MAP3K9: variants seen among roughly 807,000 people sequenced by gnomAD.
MAP3K9 encodes mitogen-activated protein kinase kinase kinase 9, also known as mixed lineage kinase 1 (tyr and ser/thr specificity).
In MAP3K9, 46 loss-of-function variants were observed where a neutral mutation model predicts 95.8. That is an observed-to-expected ratio of 0.48 (90% CI 0.38 to 0.61). MAP3K9 has a LOEUF of 0.61. Among genes scored for constraint, MAP3K9 ranks in the 20% least tolerant of loss-of-function variants. The probability of loss-of-function intolerance (pLI) is 0.00; values close to 1 mark genes in which losing one functional copy is unlikely to be tolerated. For synonymous variants in MAP3K9, 533 were observed against 593.8 expected (o/e 0.90, Z 1.49); for missense variants, 1,296 against 1,474.3 (o/e 0.88, Z 1.98).
At position 70,738,351 on chromosome 14, in the gene MAP3K9, G is replaced by A. The variant is rs2054015171; in HGVS notation, c.1738C>T (p.Pro580Ser). Residue 580 changes from proline to serine, a missense_variant, in exon 8 of 12, where the codon CCA becomes TCA. This residue lies in a region of MAP3K9 where 377 missense variants were observed against 417.1 expected (regional missense o/e 0.90). Coordinates refer to ENST00000554752, the MANE Select transcript of MAP3K9 (RefSeq NM_001284230.2). ...TCCTCCTCCTCCCCTTCCTCCTTTG[G>A]GACGACTGAGCTCCTGCCCCAGGTT... ...SKTWGRSSVV[P>S]KEEGEEEEKR... 6.2e-7 allele frequency: 1 copy of A among 1,613,622 alleles called. No homozygotes were observed. The highest frequency in any genetic ancestry group is 8.5e-7 in the Non-Finnish European group (1 of 1,179,926).
chr14:70,807,106 G>T (rs1039445166), intron 1 of MAP3K9, among the ~76,000 whole-genome samples: 1 of 152,104 alleles, frequency 6.6e-6, no homozygotes, highest in Non-Finnish European at 1.5e-5. Context: ...TTTGAACATC[G>T]ATTTGATAGT....
intron 4 of MAP3K9, 102 bp from the exon 5 acceptor site, chr14:70,749,106 A>G: frequency 4.5e-6 from 5 of 1,115,976 alleles, no homozygotes; most frequent in South Asian, 1.6e-5. Flanking sequence ...ACTACCTCTT[A>G]CTTCTTCCAG....
Position 70,732,784 on chromosome 14 carries a change from A to C in MAP3K9, c.2585T>G (p.Met862Arg), listed in dbSNP as rs146720121. 18 of 1,613,690 alleles carry C rather than the reference A, an allele frequency of 1.1e-5. No homozygotes were observed. The highest frequency in any genetic ancestry group is 3.3e-5 in the Admixed American group (2 of 59,978). The change falls in exon 11 of 12, where the codon ATG (methionine) becomes AGG (arginine). Residue 862 changes from methionine (M) to arginine (R), a missense_variant. This residue lies in a region of MAP3K9 where 433 missense variants were observed against 441.4 expected (regional missense o/e 0.98). Transcript: ENST00000554752. ...AGGGGCCTCGACTGGGCTGACTGGC[A>C]TCTCATACACGACAATTTCATCGCT... ...SDSDEIVVYE[M>R]PVSPVEAPPL...
Position 70,730,612 on chromosome 14 carries a change from G to A in MAP3K9, c.3083C>T (p.Thr1028Met), listed in dbSNP as rs148083571. Residue 1028 changes from threonine to methionine, a missense_variant, in exon 12 of 12, where the codon ACG becomes ATG. Physicochemically the swap from Thr to Met is moderately conservative, Grantham distance 81. Transcript: ENST00000554752. ...TSPANSSSTE[T>M]PSNLDSCFAS... The stretch of plus-strand genomic sequence containing the variant: ...AAAGCAGGAGTCCAGGTTGCTGGGC[G>A]TCTCTGTGCTGGAGCTGTTGGCTGG... 71 of 1,613,850 alleles carry A rather than the reference G, an allele frequency of 4.4e-5. No homozygotes were observed. Among genetic ancestry groups the A allele is most frequent in the East Asian group, 1.6e-4 (7 of 44,890 alleles).
At chr14:70,795,102 T>G (rs1469766789) in intron 2 of MAP3K9, among the ~76,000 whole-genome samples, 1 of 150,004 alleles carries the variant, frequency 6.7e-6, no homozygotes, top group Admixed American at 6.7e-5. Context: ...CAAGTGATTC[T>G]CTTGCCTCAG....
Position 70,738,805 on chromosome 14 carries a change from G to T in MAP3K9, c.1691-407C>A, listed in dbSNP as rs117226414. On this transcript the variant is annotated intron_variant, in intron 7 of 11. Transcript: ENST00000554752. ...AATGCAGGAATCTTGGAAAGAAAGG[G>T]TTGGGAAGAAAATGAGGAGTTCAAG... Among the ~76,000 whole-genome samples the T allele has an allele frequency of 9.3e-4, 141 of 152,226 alleles. 2 individuals carry two copies. The East Asian group carries it at 0.024, about 26-fold the overall frequency.
chr14:70,723,643 G>A lies in MAP3K9; in HGVS notation c.*6737C>T, dbSNP rs1046693281. On this transcript the variant is annotated 3_prime_UTR_variant, in exon 12 of 12. Transcript: ENST00000554752. ...CAGATCAGCAACTTGCTTCCTAGCT[G>A]TGTGACCCTGGGCAAATTACAGAGC... 3 of 152,184 alleles carry A rather than the reference G, an allele frequency of 2.0e-5. No individual in the cohort carries two copies. The highest frequency in any genetic ancestry group is 4.8e-5 in the African/African-American group (2 of 41,462). 9.4% of individuals were successfully genotyped at this position (152,184 alleles called of 1,614,324 possible). A position where few individuals can be genotyped will look rare whatever the true frequency, so the allele number is the denominator to read the frequency against.
At chr14:70,783,104 G>A (rs2054702876) in intron 2 of MAP3K9, 1 of 191,544 alleles carries the variant, frequency 5.2e-6, no homozygotes, top group South Asian at 1.8e-4. Flanking sequence ...CATTATCCCA[G>A]TCTCTCCACC....
rs1050116897 is a variant in MAP3K9, at chr14:70,809,320, G to C, written c.-149C>G. 2 of 1,021,346 alleles carry C rather than the reference G, an allele frequency of 2.0e-6. No homozygotes were observed. Among genetic ancestry groups the C allele is most frequent in the South Asian group, 4.7e-5 (1 of 21,250 alleles). 63.3% of individuals were successfully genotyped at this position (1,021,346 alleles called of 1,614,324 possible). A position where few individuals can be genotyped will look rare whatever the true frequency, so the allele number is the denominator to read the frequency against. ...CCGGGCTGGCAGGGCTGGGAGAGCC[G>C]GCTCGCCGGCGCTGTTACCGCGGTA... On this transcript the variant is annotated 5_prime_UTR_variant, in exon 1 of 12. Coordinates refer to ENST00000554752, the MANE Select transcript of MAP3K9 (RefSeq NM_001284230.2).
intron 3 of MAP3K9, among the ~76,000 whole-genome samples, chr14:70,753,466 G>T (rs145927258): frequency 6.6e-6 from 1 of 152,218 alleles, no homozygotes; most frequent in Non-Finnish European, 1.5e-5. Context: ...TGGGAAAAAA[G>T]ACTGGAGAAA....
rs151288699 is a variant in MAP3K9, at chr14:70,778,565, T to C, written c.821-17383A>G. Among the ~76,000 whole-genome samples the C allele has an allele frequency of 8.3e-3, 1,257 of 152,240 alleles. 6 individuals carry two copies. Among genetic ancestry groups the C allele is most frequent in the Non-Finnish European group, 0.013 (874 of 67,998 alleles). On this transcript the variant is annotated intron_variant, in intron 2 of 11. Coordinates refer to ENST00000554752, the MANE Select transcript of MAP3K9 (RefSeq NM_001284230.2). The stretch of plus-strand genomic sequence containing the variant: ...TGCAGGGGTTACAGGCATGAGCCAC[T>C]GCACCAGGCCAAACTTCTCTCATTC...
intron 2 of MAP3K9, among the ~76,000 whole-genome samples, chr14:70,798,047 T>TCCTAAAA: frequency 6.6e-6 from 1 of 152,284 alleles, no homozygotes; most frequent in African/African-American, 2.4e-5. Context: ...CCCTTGGCAA[T>TCCTAAAA]CCTAAAACCC....
In MAP3K9 at chr14:70,808,942, T is replaced by C; in HGVS notation, c.230A>G (p.Asp77Gly). 2 of 1,580,060 alleles carry C rather than the reference T, an allele frequency of 1.3e-6. No individual in the cohort carries two copies. Among genetic ancestry groups the C allele is most frequent in the Non-Finnish European group, 1.7e-6 (2 of 1,169,434 alleles). ...GTCCTTGGACAGCACCTCCACCACG[T>C]CGCCCAGCCGCAGGGTCAGCTCGTC... ...GEDELTLRLG[D>G]VVEVLSKDSQ... Residue 77 changes from aspartate (D) to glycine (G), a missense_variant, in exon 1 of 12, where the codon GAC (aspartate) becomes GGC (glycine). Asp to Gly is a moderately conservative substitution (Grantham distance 94, BLOSUM62 -1). Around this residue, in one of 5 missense-constraint regions of MAP3K9, gnomAD observed 338 missense variants for 363.4 expected, o/e 0.93. Coordinates refer to ENST00000554752, the MANE Select transcript of MAP3K9 (RefSeq NM_001284230.2).
At chr14:70,751,052 C>T (rs2054219753) in intron 3 of MAP3K9, among the ~76,000 whole-genome samples, 1 of 37,728 alleles carries the variant, frequency 2.7e-5, no homozygotes, top group Admixed American at 2.8e-4. Context: ...GGGTTCTTAA[C>T]GGAGATCTCT....
rs1248013088 is a variant in MAP3K9, at chr14:70,760,341, T to A, written c.1001+661A>T. ...TTCCTCAGCTGGGAAAAATTTTAGA[T>A]CTATTTCCTTGCAACCTTTTGGGCT... is the stretch of plus-strand genomic sequence containing the variant. On this transcript the variant is annotated intron_variant, in intron 3 of 11. Transcript: ENST00000554752. 1.4e-4 allele frequency among the ~76,000 whole-genome samples: 22 copies of A among 152,240 alleles called. No homozygotes were observed. In the East Asian group the frequency reaches 2.7e-3, roughly 19 times the overall value.
chr14:70,752,103 A>G (rs1475205394), intron 3 of MAP3K9, among the ~76,000 whole-genome samples: 1 of 152,234 alleles, frequency 6.6e-6, no homozygotes, highest in Non-Finnish European at 1.5e-5. Context: ...GCATCTTGCC[A>G]GGAAAAAACA....
chr14:70,808,981 T>C lies in MAP3K9; in HGVS notation c.191A>G (p.Glu64Gly), dbSNP rs933666193. 6.4e-7 allele frequency: 1 copy of C among 1,564,608 alleles called. No individual in the cohort carries two copies. The highest frequency in any genetic ancestry group is 8.6e-7 in the Non-Finnish European group (1 of 1,162,448). Residue 64 changes from glutamate to glycine, a missense_variant, in exon 1 of 12, where the codon GAG (glutamate) becomes GGG (glycine). By Grantham distance (98) the Glu-to-Gly change is moderately conservative. Coordinates refer to ENST00000554752, the MANE Select transcript of MAP3K9 (RefSeq NM_001284230.2). ...GGTCAGCTCGTCCTCGCCCGCCGCC[T>C]CGTACTCGAACACGGCCGTCCAGTA... ...LPYWTAVFEY[E>G]AAGEDELTLR...
In MAP3K9 at chr14:70,762,002, A is replaced by G. The variant is rs1244893621; in HGVS notation, c.821-820T>C. Among the ~76,000 whole-genome samples the G allele has an allele frequency of 2.0e-5, 3 of 152,242 alleles. No homozygotes were observed. In the East Asian group the frequency reaches 5.8e-4, roughly 29 times the overall value. Reference sequence around the variant, plus strand: ...AGTCTGAATACTTCATGTAAATACAATCATACAATATGTGACACACCTGCT... The same window carrying G: ...AGTCTGAATACTTCATGTAAATACAGTCATACAATATGTGACACACCTGCT... On this transcript the variant is annotated intron_variant, in intron 2 of 11. Transcript: ENST00000554752.
At chr14:70,735,088 G>A (rs1423493786) in intron 9 of MAP3K9, among the ~76,000 whole-genome samples, 2 of 152,254 alleles carry the variant, frequency 1.3e-5, no homozygotes, top group East Asian at 1.9e-4. Context: ...ACAGACCTAC[G>A]TGGGTAGTGC....
Sources: allele counts gnomAD v4.1 joint callset (sites outside exome capture counted in the v4.1 genomes callset), GRCh38; gene constraint gnomAD v4.1.1; regional missense constraint gnomAD v4.1.1; transcripts MANE v1.5; gene names NCBI Gene and HGNC (gene_info 2026-07-23, HGNC 2026-07-21).